Variants in NFRKB observed in about 807,000 individuals in gnomAD.
The protein encoded by NFRKB is nuclear factor related to kappaB binding protein, also known as nuclear factor related to kappa-B-binding protein.
In NFRKB, 62 loss-of-function variants were observed where a neutral mutation model predicts 135.7. The observed-to-expected ratio is 0.46, with a 90% CI of 0.37 to 0.56. The LOEUF is 0.56. Ranked by LOEUF, NFRKB falls within the 20% of genes least tolerant of loss-of-function variation. NFRKB has a pLI of 0.00. For synonymous variants in NFRKB, 678 were observed against 635.6 expected (o/e 1.07, Z -1.00); for missense variants, 1,545 against 1,662.0 (o/e 0.93, Z 1.22).
Position 129,865,897 on chromosome 11 carries a change from G to A in NFRKB, c.3618C>T (p.Ile1206=). The A allele has an allele frequency of 6.2e-7, 1 of 1,614,114 alleles. No individual in the cohort carries two copies. The highest frequency in any genetic ancestry group is 8.5e-7 in the Non-Finnish European group (1 of 1,180,034). The change falls in exon 25 of 27, where the codon ATC becomes ATT. Residue 1206 remains isoleucine, a synonymous_variant. Coordinates refer to ENST00000682444, the MANE Select transcript of NFRKB (RefSeq NM_001143835.2). ...CTTACTTGGCTCCAAGGTTGCCTTTGATGATGGGGGCTGTGACCACGCTCT... is the reference window on the plus strand; with the variant it reads ...CTTACTTGGCTCCAAGGTTGCCTTTAATGATGGGGGCTGTGACCACGCTCT... ...KGKSVVTAPI[I]KGNLGANLSG...
chr11:129,873,296 T>A (rs1408458476), intron 22 of NFRKB, among the ~76,000 whole-genome samples, 200 bp from the exon 23 acceptor site: 1 of 152,234 alleles, frequency 6.6e-6, no homozygotes, highest in African/African-American at 2.4e-5. Flanking sequence ...AATTTTACAT[T>A]TAACATCTCA....
intron 25 of NFRKB, 33 bp from the exon 26 acceptor site, chr11:129,865,134 A>C (rs368640537): frequency 6.3e-7 from 1 of 1,592,138 alleles, no homozygotes. Flanking sequence ...AGATATAATG[A>C]TATCGACAGG....
intron 23 of NFRKB, among the ~76,000 whole-genome samples, chr11:129,871,260 A>G (rs1371812198): frequency 6.6e-6 from 1 of 152,024 alleles, no homozygotes; most frequent in Non-Finnish European, 1.5e-5. Context: ...GGTTTTTTCC[A>G]AATAATCCAT....
chr11:129,877,511 C>G (rs1350584135), intron 15 of NFRKB, 126 bp from the exon 16 acceptor site: 1 of 894,744 alleles, frequency 1.1e-6, no homozygotes, highest in Non-Finnish European at 1.8e-6. Context: ...TCAATTCTTA[C>G]AAAGGCGAAG....
chr11:129,882,351 T>C, intron 10 of NFRKB, 100 bp downstream of exon 10: 2 of 1,431,382 alleles, frequency 1.4e-6, no homozygotes, highest in Non-Finnish European at 1.9e-6. Context: ...GGTCTACAAG[T>C]CCAACATACT....
intron 16 of NFRKB, 62 bp from the exon 17 acceptor site, chr11:129,876,957 C>G: frequency 2.0e-6 from 3 of 1,469,830 alleles, no homozygotes; most frequent in Non-Finnish European, 1.9e-6. Context: ...TCTCGGGCTT[C>G]CTTACAATAT....
rs772562102 is a variant in NFRKB at position 129,892,746 on chromosome 11, C to T, written c.104G>A (p.Arg35Lys). Reference protein sequence around the residue: ...IMEDCLLGGTRVSLPEDLLED... With the variant: ...IMEDCLLGGTKVSLPEDLLED... ...CAGAAGGTCCTCGGGCAGACTAACT[C>T]TGGTGCCTCCCAGGAGGCAATCCTC... is the stretch of plus-strand genomic sequence containing the variant. Residue 35 changes from arginine to lysine, a missense_variant, in exon 3 of 27, where the codon AGA becomes AAA. This residue lies in a region of NFRKB where 678 missense variants were observed against 646.7 expected (regional missense o/e 1.05). Transcript: ENST00000682444. 1 of 1,614,136 alleles carries T rather than the reference C, an allele frequency of 6.2e-7. No individual in the cohort carries two copies. The highest frequency in any genetic ancestry group is 1.3e-5 in the African/African-American group (1 of 75,060).
chr11:129,881,286 A>T (rs953449582), intron 13 of NFRKB, among the ~76,000 whole-genome samples, 157 bp downstream of exon 13: 1 of 152,196 alleles, frequency 6.6e-6, no homozygotes, highest in African/African-American at 2.4e-5. Context: ...TGAGAGTACA[A>T]AAAGGGTGTT....
intron 6 of NFRKB, 34 bp downstream of exon 6, chr11:129,885,401 A>AC (rs1949226476): frequency 6.3e-7 from 1 of 1,577,012 alleles, no homozygotes; most frequent in Non-Finnish European, 8.7e-7. Context: ...TCCATCCAAT[A>AC]CCCCAGCTAC....
chr11:129,874,443 C>T lies in NFRKB; in HGVS notation c.2058+58G>A. On this transcript the variant is annotated intron_variant, in intron 20 of 26. Transcript: ENST00000682444. This position sits in a 1 kb window ranked among gnomAD's most constrained non-coding sequence, Gnocchi z 4.5. ...ACACCAAGTGAAAGCCGAGCAGCCA[C>T]TCTTAGTTGCCTCCATCCCAGAATC... is the stretch of plus-strand genomic sequence containing the variant. 1 of 1,581,582 alleles carries T rather than the reference C, an allele frequency of 6.3e-7. No homozygotes were observed. Among genetic ancestry groups the T allele is most frequent in the Non-Finnish European group, 8.6e-7 (1 of 1,165,146 alleles).
intron 25 of NFRKB, 128 bp from the exon 26 acceptor site, chr11:129,865,229 A>ATGC: frequency 8.9e-7 from 1 of 1,124,204 alleles, no homozygotes; most frequent in Non-Finnish European, 1.3e-6. Context: ...TCAGATTGAA[A>ATGC]TGGAAACCAA....
chr11:129,864,126 C>T lies in NFRKB; in HGVS notation c.*599G>A, dbSNP rs1284102573. On this transcript the variant is annotated 3_prime_UTR_variant, in exon 27 of 27. Coordinates refer to ENST00000682444, the MANE Select transcript of NFRKB (RefSeq NM_001143835.2). ...GATGAATTCCCATCTTACAGCCTCT[C>T]GATTACTATGCAGTTACCAAGCTGG... The T allele has an allele frequency of 2.6e-5, 4 of 152,288 alleles. No homozygotes were observed. Among genetic ancestry groups the T allele is most frequent in the African/African-American group, 4.8e-5 (2 of 41,442 alleles). The allele number at this position is 152,288 out of a possible 1,614,324, so 9.4% of individuals were successfully genotyped here.
rs1470797529 is a variant in NFRKB at position 129,883,107 on chromosome 11, G to C, written c.901+15C>G. Reference sequence around the variant, plus strand: ...ATAGTCAGATGAAGGCTCCTAGAGGGGCCCAGTCATTTACCTGCCAGAGAG... The same window carrying C: ...ATAGTCAGATGAAGGCTCCTAGAGGCGCCCAGTCATTTACCTGCCAGAGAG... On this transcript the variant is annotated intron_variant, in intron 9 of 26. Coordinates refer to ENST00000682444, the MANE Select transcript of NFRKB (RefSeq NM_001143835.2). 5.0e-6 allele frequency: 8 copies of C among 1,612,654 alleles called. No individual in the cohort carries two copies. The highest frequency in any genetic ancestry group is 3.3e-5 in the Admixed American group (2 of 59,948).
chr11:129,892,614 G>C (rs1949610470), intron 3 of NFRKB, 101 bp downstream of exon 3: 1 of 1,255,658 alleles, frequency 8.0e-7, no homozygotes, highest in Non-Finnish European at 1.1e-6. Flanking sequence ...ATGAACAAAA[G>C]GGAGCACAAA....
chr11:129,885,629 G>A lies in NFRKB; in HGVS notation c.466-20C>T. On this transcript the variant is annotated intron_variant, in intron 5 of 26. Transcript: ENST00000682444. ...CAGATCCTAGGTAGAGATCAGGTGG[G>A]GGTACAAGTCATCATCCAAGACCTG... The A allele has an allele frequency of 6.3e-7, 1 of 1,589,196 alleles. No individual in the cohort carries two copies. Among genetic ancestry groups the A allele is most frequent in the Non-Finnish European group, 8.6e-7 (1 of 1,163,342 alleles).
At chr11:129,879,428 G>A (rs1948925622) in intron 13 of NFRKB, among the ~76,000 whole-genome samples, 1 of 152,148 alleles carries the variant, frequency 6.6e-6, no homozygotes, top group African/African-American at 2.4e-5. Context: ...CTTGCAGTCA[G>A]CTACCATCAT....
At chr11:129,877,528 C>G (rs886733484) in intron 15 of NFRKB, 143 bp from the exon 16 acceptor site, 3 of 732,390 alleles carry the variant, frequency 4.1e-6, no homozygotes, top group Non-Finnish European at 7.0e-6. Context: ...GAAGAGCCCA[C>G]CTTCCAGCTC....
chr11:129,882,102 T>A lies in NFRKB; in HGVS notation c.1175A>T (p.Gln392Leu). Residue 392 changes from glutamine (Q) to leucine (L), a missense_variant, in exon 11 of 27, where the codon CAG becomes CTG. By Grantham distance (113) the Gln-to-Leu change is moderately radical. Around this residue, in one of 3 missense-constraint regions of NFRKB, gnomAD observed 678 missense variants for 646.7 expected, o/e 1.05. Coordinates refer to ENST00000682444, the MANE Select transcript of NFRKB (RefSeq NM_001143835.2). The stretch of plus-strand genomic sequence containing the variant: ...AACGCTTACCATAGGAAGGCTAGCC[T>A]GACTCTCCAGCAGCAAGATCTCTAA... ...LLLEILLLES[Q>L]ASLPMLEERV... 5 of 1,606,254 alleles carry A rather than the reference T, an allele frequency of 3.1e-6. No homozygotes were observed. Among genetic ancestry groups the A allele is most frequent in the African/African-American group, 1.3e-5 (1 of 74,388 alleles).
At chr11:129,877,090 G>C (rs1178745506) in intron 16 of NFRKB, among the ~76,000 whole-genome samples, 195 bp from the exon 17 acceptor site, 2 of 152,150 alleles carry the variant, frequency 1.3e-5, no homozygotes, top group East Asian at 3.9e-4. Flanking sequence ...TGAGCAGAGG[G>C]ACAAGGAGGT....
Sources: allele counts gnomAD v4.1 joint callset (sites outside exome capture counted in the v4.1 genomes callset), GRCh38; gene constraint gnomAD v4.1.1; regional missense constraint gnomAD v4.1.1; non-coding constraint Gnocchi (gnomAD v3.1); transcripts MANE v1.5; gene names NCBI Gene and HGNC (gene_info 2026-07-23, HGNC 2026-07-21).